Variants in UBE3B observed in about 807,000 individuals in gnomAD.
UBE3B encodes the protein ubiquitin-protein ligase E3B.
Under a neutral mutation model 132.3 loss-of-function variants are expected in UBE3B, and 80 were observed. The observed-to-expected ratio is 0.60, with a 90% CI of 0.50 to 0.73. The LOEUF (loss-of-function observed/expected upper bound fraction) is 0.73, where lower values mean the gene tolerates loss of function less well. Among genes scored for constraint, UBE3B ranks in the 30% least tolerant of loss-of-function variants. The pLI is 0.00. For synonymous variants in UBE3B, 487 were observed against 520.4 expected (o/e 0.94, Z 0.87); for missense variants, 1,196 against 1,362.5 (o/e 0.88, Z 1.92).
intron 4 of UBE3B, among the ~76,000 whole-genome samples, chr12:109,485,278 T>G (rs1185829542): frequency 6.6e-6 from 1 of 152,190 alleles, no homozygotes; most frequent in African/African-American, 2.4e-5. Context: ...AGCTTCACAT[T>G]GTGCCAACCC....
chr12:109,501,331 G>A (rs148742590), intron 12 of UBE3B, 40 bp from the exon 13 acceptor site: 4 of 1,611,464 alleles, frequency 2.5e-6, no homozygotes, highest in African/African-American at 2.7e-5. Context: ...CCCTGCATCA[G>A]ATGGAACTGA....
chr12:109,481,603 C>T (rs1875446526), intron 1 of UBE3B, 34 bp from the exon 2 acceptor site: 1 of 152,182 alleles, frequency 6.6e-6, no homozygotes, highest in African/African-American at 2.4e-5. Flanking sequence ...AAATTTAACC[C>T]TAAGTCTGGA....
downstream of UBE3B, among the ~76,000 whole-genome samples, chr12:109,539,498 G>A (rs1273343940): frequency 2.0e-5 from 3 of 152,176 alleles, no homozygotes; most frequent in African/African-American, 4.8e-5. Flanking sequence ...CTGGGAGGCC[G>A]GTGGAAAGTT....
chr12:109,489,772 T>C (rs1877113109), intron 7 of UBE3B, 147 bp from the exon 8 acceptor site: 2 of 714,922 alleles, frequency 2.8e-6, no homozygotes, highest in Admixed American at 4.4e-5. Flanking sequence ...TTCTGTGCTC[T>C]GGCACCAGGC....
intron 14 of UBE3B, among the ~76,000 whole-genome samples, chr12:109,504,287 T>A (rs1346846893): frequency 1.3e-5 from 2 of 152,226 alleles, no homozygotes; most frequent in African/African-American, 4.8e-5. Flanking sequence ...CAGCCAAACA[T>A]ATCTTCAAAT....
chr12:109,490,550 T>C, intron 8 of UBE3B: 1 of 1,536,038 alleles, frequency 6.5e-7, no homozygotes, highest in South Asian at 1.2e-5. Flanking sequence ...CCCTGTGAGG[T>C]GGTCCGTTGG....
At chr12:109,519,011 T>C (rs906850852) in intron 19 of UBE3B, among the ~76,000 whole-genome samples, 9 of 152,336 alleles carry the variant, frequency 5.9e-5, no homozygotes, top group Admixed American at 2.0e-4. Flanking sequence ...TGGTTAGTAT[T>C]GAGGGCTATG....
At chr12:109,499,502 C>T in intron 11 of UBE3B, 131 bp from the exon 12 acceptor site, 1 of 886,060 alleles carries the variant, frequency 1.1e-6, no homozygotes, top group Non-Finnish European at 1.6e-6. Flanking sequence ...CCGGCATTGA[C>T]AGGTGCCCCT....
At chr12:109,528,375 A>G in intron 24 of UBE3B, 2 of 985,362 alleles carry the variant, frequency 2.0e-6, no homozygotes, top group Non-Finnish European at 2.4e-6. Context: ...TGGAAGGAGG[A>G]GCAATGATAG....
intron 19 of UBE3B, 152 bp from the exon 20 acceptor site, chr12:109,520,996 C>T: frequency 2.6e-6 from 2 of 771,044 alleles, no homozygotes; most frequent in Admixed American, 5.8e-5. Flanking sequence ...CATTCAAAAG[C>T]AGGTGAGAAC....
At chr12:109,511,343 A>C in intron 18 of UBE3B, 40 bp downstream of exon 18, 1 of 1,587,740 alleles carries the variant, frequency 6.3e-7, no homozygotes, top group Non-Finnish European at 8.6e-7. Context: ...GTGTCTTTCT[A>C]TTCCCCCACG....
At chr12:109,525,919 G>A (rs972236727) in intron 23 of UBE3B, among the ~76,000 whole-genome samples, 3 of 152,138 alleles carry the variant, frequency 2.0e-5, no homozygotes, top group African/African-American at 7.2e-5. Context: ...ACTCTTTCCC[G>A]AGTCTCCCTT....
At chr12:109,525,070 G>A (rs145019742) in intron 23 of UBE3B, among the ~76,000 whole-genome samples, 6 of 152,252 alleles carry the variant, frequency 3.9e-5, no homozygotes, top group Admixed American at 6.5e-5. Context: ...GAGAAACCAC[G>A]CCATGAGCTT....
At chr12:109,543,032 C>T in the UBE3B span, among the ~76,000 whole-genome samples, 9 of 152,168 alleles carry the variant, frequency 5.9e-5, no homozygotes, top group East Asian at 1.9e-4. Flanking sequence ...AGCAGCTGGC[C>T]GCCCTGCCCA....
At chr12:109,483,472 T>C (rs1875824007) in intron 2 of UBE3B, 59 bp from the exon 3 acceptor site, 1 of 1,490,348 alleles carries the variant, frequency 6.7e-7, no homozygotes, top group Admixed American at 2.5e-5. Flanking sequence ...TTGAGCCCCT[T>C]TCTGTGTGTG....
intron 18 of UBE3B, among the ~76,000 whole-genome samples, chr12:109,514,802 T>C (rs897139147): frequency 2.0e-5 from 3 of 152,082 alleles, no homozygotes; most frequent in African/African-American, 7.2e-5. Context: ...CTCAGGGCTT[T>C]TGGTTCTACT....
intron 18 of UBE3B, among the ~76,000 whole-genome samples, chr12:109,514,440 C>T (rs1259542788): frequency 6.6e-6 from 1 of 152,196 alleles, no homozygotes; most frequent in African/African-American, 2.4e-5. Flanking sequence ...TTCCATGCCC[C>T]ATAGAAATCC....
chr12:109,502,499 C>T (rs1228595912), intron 13 of UBE3B, among the ~76,000 whole-genome samples: 1 of 152,138 alleles, frequency 6.6e-6, no homozygotes, highest in African/African-American at 2.4e-5. Flanking sequence ...GAGTGTGTTG[C>T]AAAACTCTGT....
rs553058449 is a variant in UBE3B, at chr12:109,503,619, A to G, written c.1450+429A>G. 3.9e-5 allele frequency among the ~76,000 whole-genome samples: 6 copies of G among 152,358 alleles called. No individual in the cohort carries two copies. The South Asian group carries it at 6.2e-4, about 16-fold the overall frequency. On this transcript the variant is annotated intron_variant, in intron 14 of 27. Coordinates refer to ENST00000342494, the MANE Select transcript of UBE3B (RefSeq NM_130466.4). ...ACAGCACTATGCTTTCCTTTCCAAT[A>G]ATCATTTTACCATGTCACAAATTCT...
Sources: gnomAD v4.1 joint callset for allele counts (sites outside exome capture counted in the v4.1 genomes callset) on GRCh38, gnomAD v4.1.1 for gene constraint, MANE v1.5 for transcripts, NCBI Gene and HGNC (gene_info 2026-07-23, HGNC 2026-07-21) for gene names.